MFSD11: variants seen among roughly 807,000 people sequenced by gnomAD.
MFSD11 encodes UNC93-like protein MFSD11.
MFSD11 carries 36 observed loss-of-function variants against 53.5 expected under a neutral mutation model. The observed-to-expected ratio is 0.67, with a 90% CI of 0.52 to 0.89. The LOEUF is 0.89. Among genes scored for constraint, MFSD11 ranks in the 40% least tolerant of loss-of-function variants. The pLI, the probability that MFSD11 is intolerant of heterozygous loss-of-function variation, is 0.00. For missense variants in MFSD11, 530 were observed against 543.9 expected, an observed-to-expected ratio of 0.97 and a Z score of 0.25; for synonymous variants, 186 against 184.9, an observed-to-expected ratio of 1.01 and a Z score of -0.05.
downstream of MFSD11, among the ~76,000 whole-genome samples, chr17:76,782,469 C>G (rs576959397): frequency 5.1e-3 from 693 of 137,072 alleles, 4 homozygotes; most frequent in African/African-American, 0.017. Context: ...GCCACCGCGC[C>G]CAGGCTTTTT....
Position 76,743,471 on chromosome 17 carries a change from C to T in MFSD11, c.496+15C>T, listed in dbSNP as rs781416107. Reference sequence around the variant, plus strand: ...TCAGATATCAGGTTTGTTTTATTCGCGTTGCTTTATTCAGATATGTTCAAA... The same window carrying T: ...TCAGATATCAGGTTTGTTTTATTCGTGTTGCTTTATTCAGATATGTTCAAA... On this transcript the variant is annotated intron_variant, in intron 6 of 12. Transcript: ENST00000685175. 4.6e-6 allele frequency: 7 copies of T among 1,532,832 alleles called. No homozygotes were observed. The highest frequency in any genetic ancestry group is 2.0e-5 in the Admixed American group (1 of 51,100). 95.0% of individuals were successfully genotyped at this position (1,532,832 alleles called of 1,614,324 possible). A position where few individuals can be genotyped will look rare whatever the true frequency, so the allele number is the denominator to read the frequency against.
At chr17:76,771,339 C>T (rs2081359955) in intron 10 of MFSD11, among the ~76,000 whole-genome samples, 1 of 152,172 alleles carries the variant, frequency 6.6e-6, no homozygotes, top group East Asian at 1.9e-4. Flanking sequence ...GCAGCAAAGA[C>T]CAAATATGTA....
intron 2 of MFSD11, 56 bp downstream of exon 2, chr17:76,739,049 C>T (rs1034748840): frequency 8.2e-5 from 107 of 1,298,496 alleles, no homozygotes; most frequent in Non-Finnish European, 1.0e-4. Context: ...GCTTAAATCT[C>T]ATCAGAATCA....
At chr17:76,763,413 G>T (rs2080480489) in intron 8 of MFSD11, among the ~76,000 whole-genome samples, 1 of 151,858 alleles carries the variant, frequency 6.6e-6, no homozygotes, top group Non-Finnish European at 1.5e-5. Context: ...ACAGGTGCAT[G>T]CTACCCCTCC....
intron 8 of MFSD11, among the ~76,000 whole-genome samples, chr17:76,758,866 T>A (rs2144587492): frequency 6.6e-6 from 1 of 152,018 alleles, no homozygotes. Context: ...CAGTTGAAAA[T>A]ACACATATAA....
At chr17:76,790,597 C>T in the MFSD11 span, among the ~76,000 whole-genome samples, 17 of 147,248 alleles carry the variant, frequency 1.2e-4, no homozygotes, top group East Asian at 3.0e-3. Context: ...GGATTACAGG[C>T]GTGAGCCACC....
chr17:76,760,809 C>A (rs1475866706), intron 8 of MFSD11, among the ~76,000 whole-genome samples: 1 of 152,020 alleles, frequency 6.6e-6, no homozygotes, highest in East Asian at 1.9e-4. Context: ...GGGTTATAGG[C>A]GTGAGCCACT....
chr17:76,780,335 T>C (rs149676122), downstream of MFSD11, among the ~76,000 whole-genome samples: 1,339 of 152,112 alleles, frequency 8.8e-3, 20 homozygotes, highest in African/African-American at 0.03. Flanking sequence ...GTTTTTTTTT[T>C]CTTTTCAAAT....
chr17:76,772,561 A>ATG (rs2081465011), intron 10 of MFSD11, among the ~76,000 whole-genome samples: 1 of 140,416 alleles, frequency 7.1e-6, no homozygotes, highest in African/African-American at 2.7e-5. Context: ...TCTGTTGCCC[A>ATG]GGCTGGGGTG....
intron 7 of MFSD11, among the ~76,000 whole-genome samples, chr17:76,749,750 TGTG>T (rs1319326861): frequency 6.6e-6 from 1 of 150,914 alleles, no homozygotes; most frequent in Non-Finnish European, 1.5e-5. Context: ...ATTAGCCTGG[TGTG>T]GTGGTGTGTG....
chr17:76,741,718 G>A (rs1162164873), intron 3 of MFSD11, among the ~76,000 whole-genome samples: 3 of 152,276 alleles, frequency 2.0e-5, no homozygotes, highest in African/African-American at 7.2e-5. Flanking sequence ...AGCCCAGGAG[G>A]TGGAGGTTGC....
chr17:76,777,152 CAGCTACTTGGGT>C (rs2081915917), intron 12 of MFSD11, among the ~76,000 whole-genome samples: 1 of 151,820 alleles, frequency 6.6e-6, no homozygotes. Flanking sequence ...CCTGTAGTCC[CAGCTACTTGGGT>C]GGCTGAGGCA....
chr17:76,802,587 G>A, the MFSD11 span, among the ~76,000 whole-genome samples: 112 of 152,244 alleles, frequency 7.4e-4, no homozygotes, highest in Admixed American at 3.3e-3. Flanking sequence ...TGGTTTATCC[G>A]TACAGTGGAG....
chr17:76,770,280 C>T (rs922614426), intron 10 of MFSD11, among the ~76,000 whole-genome samples: 8 of 152,026 alleles, frequency 5.3e-5, no homozygotes, highest in South Asian at 4.1e-4. Context: ...CCTCATGATC[C>T]GCCCACCTCG....
At chr17:76,741,111 A>G (rs2078043866) in intron 3 of MFSD11, 47 bp downstream of exon 3, 1 of 1,108,406 alleles carries the variant, frequency 9.0e-7, no homozygotes, top group Non-Finnish European at 1.4e-6. Context: ...ACTTGTCAGG[A>G]TCTTTCAAGT....
upstream of MFSD11, chr17:76,737,474 G>T: frequency 2.9e-6 from 1 of 348,552 alleles, no homozygotes; most frequent in Non-Finnish European, 5.2e-6. Flanking sequence ...TACCCGAAGC[G>T]CCTGCGCACA....
intron 8 of MFSD11, among the ~76,000 whole-genome samples, chr17:76,766,460 A>G (rs946185817): frequency 2.0e-5 from 3 of 151,864 alleles, no homozygotes; most frequent in Admixed American, 1.3e-4. Flanking sequence ...ATAAATAAAT[A>G]AAATAAAATG....
At chr17:76,764,889 C>T (rs1440651988) in intron 8 of MFSD11, among the ~76,000 whole-genome samples, 3 of 152,152 alleles carry the variant, frequency 2.0e-5, no homozygotes, top group Non-Finnish European at 2.9e-5. Context: ...TCACCAATAG[C>T]GTACAAGGGT....
chr17:76,764,854 A>G (rs796534688), intron 8 of MFSD11, among the ~76,000 whole-genome samples: 6 of 152,238 alleles, frequency 3.9e-5, no homozygotes, highest in African/African-American at 1.4e-4. Context: ...ATTGTTTTCC[A>G]TGTTCGCTGT....
Sources: allele counts gnomAD v4.1 joint callset (sites outside exome capture counted in the v4.1 genomes callset), GRCh38; gene constraint gnomAD v4.1.1; transcripts MANE v1.5; gene names NCBI Gene and HGNC (gene_info 2026-07-23, HGNC 2026-07-21).